The following NSUN6 variants were observed in gnomAD, a reference collection of about 807,000 sequenced individuals.
NSUN6 encodes tRNA (cytosine(72)-C(5))-methyltransferase NSUN6.
Under a neutral mutation model 58.0 loss-of-function variants are expected in NSUN6, and 64 were observed. The ratio of observed to expected loss-of-function variants is 1.10; its 90% CI spans 0.90 to 1.36. NSUN6 has a LOEUF of 1.36. NSUN6 is among the 40% of genes most tolerant of loss of function. NSUN6 has a pLI of 0.00. For synonymous variants in NSUN6, 231 were observed against 193.9 expected (o/e 1.19, Z -1.59); for missense variants, 701 against 550.1 (o/e 1.27, Z -2.74).
chr10:18,610,547 C>T (rs1164377212), intron 5 of NSUN6, among the ~76,000 whole-genome samples: 2 of 152,196 alleles, frequency 1.3e-5, no homozygotes, highest in African/African-American at 4.8e-5. Context: ...TTCTTTACTA[C>T]TTCCTGTCAG....
In NSUN6 at chr10:18,597,795, A is replaced by ACAT. The variant is rs2057652203; in HGVS notation, c.658-1469_658-1468insATG. On this transcript the variant is annotated intron_variant, in intron 6 of 10. Transcript: ENST00000377304. ...ATAAATAAATAAATAAATACATACA[A>ACAT]ACATACAAAAAAACTGTGAGATGGC... Among the ~76,000 whole-genome samples, 7 of 152,002 alleles carry ACAT rather than the reference A, an allele frequency of 4.6e-5. No individual in the cohort carries two copies. In the South Asian group the frequency reaches 6.2e-4, roughly 14 times the overall value.
rs1485027343 is a variant in NSUN6 at position 18,630,506 on chromosome 10, A to G, written c.311+11970T>C. Among the ~76,000 whole-genome samples the G allele has an allele frequency of 5.9e-5, 9 of 152,228 alleles. No homozygotes were observed. In the South Asian group the frequency reaches 1.9e-3, roughly 32 times the overall value. On this transcript the variant is annotated intron_variant, in intron 3 of 10. Transcript: ENST00000377304. ...GGATCAACAAAATTGATAGACCGCTAGCAAGACTAATAAAGAAAAAAAGAG... is the reference window on the plus strand; with the variant it reads ...GGATCAACAAAATTGATAGACCGCTGGCAAGACTAATAAAGAAAAAAAGAG...
intron 6 of NSUN6, among the ~76,000 whole-genome samples, chr10:18,607,577 T>G (rs571736987): frequency 6.6e-6 from 1 of 152,212 alleles, no homozygotes; most frequent in Non-Finnish European, 1.5e-5. Flanking sequence ...TCAAAGAAAC[T>G]GAGAAATTTA....
chr10:18,553,837 T>C (rs1204611874), intron 8 of NSUN6, among the ~76,000 whole-genome samples: 1 of 145,174 alleles, frequency 6.9e-6, no homozygotes, highest in Non-Finnish European at 1.5e-5. Context: ...TAGAATAGAA[T>C]AGAATGGAGA....
intron 3 of NSUN6, among the ~76,000 whole-genome samples, chr10:18,616,747 C>T (rs1041994419): frequency 5.9e-5 from 9 of 152,110 alleles, no homozygotes; most frequent in African/African-American, 1.7e-4. Flanking sequence ...TGCTGCCCAA[C>T]CTTTTTGAGT....
chr10:18,554,164 G>A (rs1326212229), intron 8 of NSUN6, among the ~76,000 whole-genome samples: 2 of 151,162 alleles, frequency 1.3e-5, no homozygotes, highest in Non-Finnish European at 3.0e-5. Context: ...AATGCGGAAT[G>A]GAATGGAATC....
intron 6 of NSUN6, among the ~76,000 whole-genome samples, chr10:18,606,636 C>G (rs2131297475): frequency 6.6e-6 from 1 of 152,248 alleles, no homozygotes; most frequent in South Asian, 2.1e-4. Context: ...TTAGGAGAAA[C>G]TGGGTGAAGG....
rs374732738 is a variant in NSUN6 at position 18,622,723 on chromosome 10, T to A, written c.312-6430A>T. Reference sequence around the variant, plus strand: ...AGACTCCGCCTTGGGGGGAAAAAGATGGAAATCGAGTAGGCTGAAAGAGAA... The same window carrying A: ...AGACTCCGCCTTGGGGGGAAAAAGAAGGAAATCGAGTAGGCTGAAAGAGAA... On this transcript the variant is annotated intron_variant, in intron 3 of 10. Transcript: ENST00000377304. 7.2e-4 allele frequency among the ~76,000 whole-genome samples: 110 copies of A among 152,264 alleles called. 1 individual carries two copies. The highest frequency in any genetic ancestry group is 2.6e-3 in the African/African-American group (109 of 41,544).
intron 8 of NSUN6, among the ~76,000 whole-genome samples, chr10:18,582,008 CAT>C (rs1315792511): frequency 1.3e-5 from 2 of 152,070 alleles, no homozygotes; most frequent in East Asian, 3.9e-4. Flanking sequence ...TTTCCAGTAA[CAT>C]AATTACTGGA....
chr10:18,632,118 G>T (rs1022354771), intron 3 of NSUN6, among the ~76,000 whole-genome samples: 4 of 151,632 alleles, frequency 2.6e-5, no homozygotes, highest in African/African-American at 9.7e-5. Flanking sequence ...ACAACTATCT[G>T]ATCTTTGACA....
At chr10:18,570,446 CTCCAT>C (rs139759463) in intron 8 of NSUN6, among the ~76,000 whole-genome samples, 1 of 148,590 alleles carries the variant, frequency 6.7e-6, no homozygotes, top group Non-Finnish European at 1.5e-5. Context: ...CCATTCCATT[CTCCAT>C]TCCATTCCAT....
chr10:18,595,120 GA>G (rs2057534583), intron 7 of NSUN6, among the ~76,000 whole-genome samples: 1 of 152,090 alleles, frequency 6.6e-6, no homozygotes, highest in Non-Finnish European at 1.5e-5. Flanking sequence ...AAGACCAAGT[GA>G]ATGGGCCCAC....
intron 6 of NSUN6, among the ~76,000 whole-genome samples, chr10:18,609,558 G>A (rs1235290414): frequency 1.3e-5 from 2 of 152,110 alleles, no homozygotes; most frequent in Non-Finnish European, 2.9e-5. Flanking sequence ...TCAAATGCAT[G>A]CAATATTCAG....
chr10:18,651,782 T>A, upstream of NSUN6: 2 of 985,286 alleles, frequency 2.0e-6, no homozygotes, highest in South Asian at 9.4e-5. Context: ...TGCCTCAGGT[T>A]AAGTAGGCAG....
intron 8 of NSUN6, among the ~76,000 whole-genome samples, chr10:18,571,420 A>G (rs892465746): frequency 4.7e-5 from 7 of 148,280 alleles, no homozygotes; most frequent in Non-Finnish European, 1.0e-4. Context: ...TCTCTATTCC[A>G]TTCCATTCTT....
intron 8 of NSUN6, among the ~76,000 whole-genome samples, chr10:18,585,064 G>A (rs886681288): frequency 6.7e-6 from 1 of 150,174 alleles, no homozygotes; most frequent in African/African-American, 2.4e-5. Context: ...ATGAAAGAAT[G>A]CCCAATATCG....
At chr10:18,628,675 T>A (rs2058916624) in intron 3 of NSUN6, among the ~76,000 whole-genome samples, 2 of 151,846 alleles carry the variant, frequency 1.3e-5, no homozygotes, top group Non-Finnish European at 2.9e-5. Context: ...ATGAACTGAA[T>A]GAAATGAAGC....
intron 8 of NSUN6, among the ~76,000 whole-genome samples, chr10:18,555,350 G>A (rs2054914600): frequency 6.6e-6 from 1 of 151,368 alleles, no homozygotes; most frequent in African/African-American, 2.4e-5. Flanking sequence ...AGAATGGAAT[G>A]GTATGGAGAA....
intron 4 of NSUN6, among the ~76,000 whole-genome samples, chr10:18,615,820 G>A (rs988859645): frequency 6.6e-5 from 10 of 152,184 alleles, no homozygotes; most frequent in African/African-American, 2.4e-4. Flanking sequence ...TCATCCCAAT[G>A]TTCAGAGTCC....
Sources: allele counts gnomAD v4.1 joint callset (sites outside exome capture counted in the v4.1 genomes callset), GRCh38; gene constraint gnomAD v4.1.1; transcripts MANE v1.5; gene names NCBI Gene and HGNC (gene_info 2026-07-23, HGNC 2026-07-21).